The following PPARGC1A variants were observed in gnomAD, a reference collection of about 807,000 sequenced individuals.
The protein encoded by PPARGC1A is peroxisome proliferator-activated receptor gamma coactivator 1-alpha.
A neutral mutation model predicts 88.7 loss-of-function variants in PPARGC1A; 25 were observed. That is an observed-to-expected ratio of 0.28 (90% confidence interval 0.21 to 0.39). The LOEUF is 0.39. Ranked by LOEUF, PPARGC1A falls within the 10% of genes least tolerant of loss-of-function variation. PPARGC1A has a pLI of 1.00. For missense variants in PPARGC1A, 880 were observed against 968.7 expected (o/e 0.91, Z 1.22); for synonymous variants, 363 against 355.6 (o/e 1.02, Z -0.24).
the PPARGC1A span, among the ~76,000 whole-genome samples, chr4:24,462,515 A>T: frequency 2.0e-5 from 3 of 151,844 alleles, no homozygotes; most frequent in African/African-American, 7.3e-5. Flanking sequence ...GCTTCATATA[A>T]ATCCTGGCTC....
At chr4:23,989,405 C>T in the PPARGC1A span, among the ~76,000 whole-genome samples, 2,372 of 152,054 alleles carry the variant, frequency 0.016, 21 homozygotes, top group Non-Finnish European at 0.025. Context: ...TTGAGCTTTA[C>T]ATTTTTAACC....
upstream of PPARGC1A, among the ~76,000 whole-genome samples, chr4:23,908,657 T>C (rs913235002): frequency 1.3e-5 from 2 of 152,216 alleles, no homozygotes; most frequent in South Asian, 4.1e-4. Flanking sequence ...CTTCCCTACA[T>C]GAACTCTGCC....
At chr4:24,257,258 A>G in the PPARGC1A span, among the ~76,000 whole-genome samples, 1 of 152,182 alleles carries the variant, frequency 6.6e-6, no homozygotes, top group African/African-American at 2.4e-5. Context: ...TAGATGAGAC[A>G]TATAAGACCC....
At chr4:24,379,565 T>C in the PPARGC1A span, among the ~76,000 whole-genome samples, 1 of 151,760 alleles carries the variant, frequency 6.6e-6, no homozygotes, top group African/African-American at 2.4e-5. Flanking sequence ...TATATCAATA[T>C]AAAAATAAAA....
chr4:23,846,053 T>C (rs1728254504), intron 2 of PPARGC1A, among the ~76,000 whole-genome samples: 2 of 152,100 alleles, frequency 1.3e-5, no homozygotes, highest in Non-Finnish European at 2.9e-5. Flanking sequence ...CAAAGGGGGA[T>C]TTTAAAAGTG....
chr4:24,147,516 T>TTAC, the PPARGC1A span, among the ~76,000 whole-genome samples: 4 of 152,134 alleles, frequency 2.6e-5, no homozygotes, highest in Admixed American at 6.6e-5. Context: ...AGAACCTGAA[T>TTAC]TACTCTATCA....
chr4:24,183,704 C>T, the PPARGC1A span, among the ~76,000 whole-genome samples: 37 of 152,136 alleles, frequency 2.4e-4, no homozygotes, highest in African/African-American at 8.5e-4. Context: ...CTCTTTCCTT[C>T]CCCTTCAATG....
the PPARGC1A span, among the ~76,000 whole-genome samples, chr4:24,137,844 C>A: frequency 6.6e-6 from 1 of 152,154 alleles, no homozygotes; most frequent in South Asian, 2.1e-4. Flanking sequence ...GAAATGCTAT[C>A]CAAACAATCA....
At chr4:24,226,938 C>A in the PPARGC1A span, among the ~76,000 whole-genome samples, 2 of 152,166 alleles carry the variant, frequency 1.3e-5, no homozygotes, top group African/African-American at 4.8e-5. Flanking sequence ...CCAAGTGGAA[C>A]TTCTTATAGG....
chr4:24,183,710 C>T, the PPARGC1A span, among the ~76,000 whole-genome samples: 1 of 152,156 alleles, frequency 6.6e-6, no homozygotes, highest in Non-Finnish European at 1.5e-5. Context: ...CCTTCCCCTT[C>T]AATGACCTTG....
At chr4:24,331,028 A>G in the PPARGC1A span, among the ~76,000 whole-genome samples, 2 of 152,184 alleles carry the variant, frequency 1.3e-5, no homozygotes, top group Non-Finnish European at 2.9e-5. Context: ...AAAGATAGGC[A>G]TCTAGCCTTA....
intron 2 of PPARGC1A, among the ~76,000 whole-genome samples, chr4:23,856,068 A>G (rs181230971): frequency 1.4e-3 from 218 of 152,322 alleles, no homozygotes; most frequent in African/African-American, 5.1e-3. Context: ...ACCATGGACA[A>G]AAAGTGACAT....
chr4:24,118,348 T>A, the PPARGC1A span, among the ~76,000 whole-genome samples: 1 of 152,038 alleles, frequency 6.6e-6, no homozygotes, highest in Non-Finnish European at 1.5e-5. Flanking sequence ...TGAAGAAAAT[T>A]AAAAGAAAAA....
chr4:24,350,815 G>T, the PPARGC1A span, among the ~76,000 whole-genome samples: 1 of 152,112 alleles, frequency 6.6e-6, no homozygotes, highest in Admixed American at 6.5e-5. Context: ...GGGTGGAGTT[G>T]AGTGCAAGAA....
chr4:24,397,148 A>T, the PPARGC1A span, among the ~76,000 whole-genome samples: 263 of 152,330 alleles, frequency 1.7e-3, 1 homozygote, highest in Middle Eastern at 0.017. Flanking sequence ...TTCAGCACAC[A>T]CTAGTAATCA....
the PPARGC1A span, among the ~76,000 whole-genome samples, chr4:24,114,860 T>C: frequency 1.3e-5 from 2 of 152,164 alleles, no homozygotes; most frequent in Non-Finnish European, 2.9e-5. Context: ...AGAAATTCCT[T>C]AGAATCTTGT....
chr4:24,111,801 G>A, the PPARGC1A span, among the ~76,000 whole-genome samples: 8 of 152,202 alleles, frequency 5.3e-5, no homozygotes, highest in South Asian at 2.1e-4. Context: ...CTTCTAAAAC[G>A]GCTCCCAGTG....
chr4:24,049,940 A>T, the PPARGC1A span, among the ~76,000 whole-genome samples: 42 of 152,296 alleles, frequency 2.8e-4, no homozygotes, highest in African/African-American at 9.4e-4. Flanking sequence ...TAGTTTCAAG[A>T]TTATCCACAA....
At chr4:24,371,816 T>C in the PPARGC1A span, among the ~76,000 whole-genome samples, 1 of 147,882 alleles carries the variant, frequency 6.8e-6, no homozygotes, top group African/African-American at 2.5e-5. Flanking sequence ...GCAGGCATGG[T>C]GGTGCGTGCC....
Sources: allele counts gnomAD v4.1 joint callset (sites outside exome capture counted in the v4.1 genomes callset), GRCh38; gene constraint gnomAD v4.1.1; transcripts MANE v1.5; gene names NCBI Gene and HGNC (gene_info 2026-07-23, HGNC 2026-07-21).